The following ITGA8 variants were observed in gnomAD, a reference collection of about 807,000 sequenced individuals.
ITGA8 encodes the protein integrin alpha-8.
A neutral mutation model predicts 142.3 loss-of-function variants in ITGA8; 91 were observed. The observed-to-expected ratio is 0.64, with a 90% CI of 0.54 to 0.76. The LOEUF is 0.76. Ranked by LOEUF, ITGA8 falls within the 30% of genes least tolerant of loss-of-function variation. ITGA8 has a pLI of 0.00. For synonymous variants in ITGA8, 505 were observed against 485.2 expected, an observed-to-expected ratio of 1.04 and a Z score of -0.54; for missense variants, 1,406 against 1,327.7, an observed-to-expected ratio of 1.06 and a Z score of -0.92.
At chr10:15,530,970 G>T in intron 28 of ITGA8, 80 bp downstream of exon 28, 1 of 867,146 alleles carries the variant, frequency 1.2e-6, no homozygotes, top group Non-Finnish European at 1.8e-6. Context: ...AAACACTAAA[G>T]CCTAGCACAA....
intron 27 of ITGA8, among the ~76,000 whole-genome samples, chr10:15,542,708 C>T (rs936959794): frequency 2.0e-5 from 3 of 152,040 alleles, no homozygotes; most frequent in Non-Finnish European, 4.4e-5. Flanking sequence ...CAAGATTCTC[C>T]CCCTTACTAT....
intron 2 of ITGA8, among the ~76,000 whole-genome samples, chr10:15,699,584 C>T (rs1481717668): frequency 6.6e-6 from 1 of 152,124 alleles, no homozygotes. Context: ...TACATATGAA[C>T]ATTTGTGGGT....
At chr10:15,642,680 C>T (rs1426906839) in intron 13 of ITGA8, among the ~76,000 whole-genome samples, 2 of 152,114 alleles carry the variant, frequency 1.3e-5, no homozygotes, top group African/African-American at 2.4e-5. Flanking sequence ...AGGTAGGAAG[C>T]ATTAGTATAC....
At chr10:15,719,205 C>G (rs1033388603) in intron 1 of ITGA8, among the ~76,000 whole-genome samples, 37 of 152,310 alleles carry the variant, frequency 2.4e-4, no homozygotes, top group African/African-American at 8.7e-4. Flanking sequence ...ACAGCTCTTG[C>G]GCCCAGACGC....
chr10:15,602,111 T>C (rs1833114118), intron 20 of ITGA8, among the ~76,000 whole-genome samples: 1 of 152,204 alleles, frequency 6.6e-6, no homozygotes, highest in African/African-American at 2.4e-5. Context: ...AAAAGAACAT[T>C]TTAGAATAGG....
At chr10:15,559,696 A>G (rs1480624559) in intron 25 of ITGA8, among the ~76,000 whole-genome samples, 1 of 152,070 alleles carries the variant, frequency 6.6e-6, no homozygotes, top group Non-Finnish European at 1.5e-5. Context: ...ACTGGAAGCC[A>G]TTATCCTCAG....
At chr10:15,629,664 T>C (rs1030681869) in intron 13 of ITGA8, among the ~76,000 whole-genome samples, 7 of 152,088 alleles carry the variant, frequency 4.6e-5, no homozygotes, top group Non-Finnish European at 1.0e-4. Context: ...TGGTGGCTCA[T>C]GCCTGGAATC....
chr10:15,663,494 C>T (rs1834327993), intron 8 of ITGA8, among the ~76,000 whole-genome samples: 1 of 152,122 alleles, frequency 6.6e-6, no homozygotes, highest in Admixed American at 6.6e-5. Context: ...CCATCTTTCC[C>T]TACAATATAC....
intron 25 of ITGA8, among the ~76,000 whole-genome samples, chr10:15,561,209 C>CTATATATATA (rs529527480): frequency 2.7e-4 from 32 of 116,962 alleles, no homozygotes; most frequent in South Asian, 5.6e-4. Context: ...TATCTGTTGG[C>CTATATATATA]TATATATATA....
intron 25 of ITGA8, among the ~76,000 whole-genome samples, chr10:15,559,678 T>G (rs1434520585): frequency 6.6e-6 from 1 of 152,078 alleles, no homozygotes; most frequent in Admixed American, 6.5e-5. Flanking sequence ...TGTAGGGACG[T>G]GGATGGAACT....
chr10:15,633,146 C>T (rs763930666), intron 13 of ITGA8, among the ~76,000 whole-genome samples: 20 of 152,144 alleles, frequency 1.3e-4, no homozygotes, highest in African/African-American at 4.3e-4. Context: ...ACATGCTATT[C>T]AAGGCTCTTT....
intron 18 of ITGA8, 44 bp downstream of exon 18, chr10:15,606,241 G>A: frequency 6.4e-7 from 1 of 1,551,544 alleles, no homozygotes; most frequent in African/African-American, 1.4e-5. Context: ...ACACCCCAGA[G>A]AGCTTGCTTG....
intron 13 of ITGA8, among the ~76,000 whole-genome samples, chr10:15,637,466 A>G (rs1434886281): frequency 6.6e-6 from 1 of 151,936 alleles, no homozygotes; most frequent in African/African-American, 2.4e-5. Flanking sequence ...AACTCAGGTA[A>G]TCCGATTTTC....
chr10:15,520,210 G>A (rs181489244), intron 28 of ITGA8, among the ~76,000 whole-genome samples: 69 of 152,176 alleles, frequency 4.5e-4, no homozygotes, highest in Non-Finnish European at 7.8e-4. Flanking sequence ...TCAGGAGGTC[G>A]AGACCAGACT....
At position 15,586,635 on chromosome 10, in the gene ITGA8, A is replaced by T. The variant is rs147784534; in HGVS notation, c.2321T>A (p.Phe774Tyr). 324 of 1,613,204 alleles carry T rather than the reference A, an allele frequency of 2.0e-4. 1 individual carries two copies. Among genetic ancestry groups the T allele is most frequent in the African/African-American group, 1.5e-3 (113 of 75,010 alleles). Residue 774 changes from phenylalanine (F) to tyrosine (Y), a missense_variant, in exon 23 of 30, where the codon TTT becomes TAT. Coordinates refer to ENST00000378076, the MANE Select transcript of ITGA8 (RefSeq NM_003638.3). ...AGTGATGTTGATTTGCAGGCTCACAAAATTGCTGTCTGGATTGTCCTTGTT... is the reference window on the plus strand; with the variant it reads ...AGTGATGTTGATTTGCAGGCTCACATAATTGCTGTCTGGATTGTCCTTGTT... ...SSNKDNPDSN[F>Y]VSLQINITAV...
chr10:15,517,998 T>TC (rs1832994719), intron 29 of ITGA8, among the ~76,000 whole-genome samples: 1 of 152,180 alleles, frequency 6.6e-6, no homozygotes, highest in Non-Finnish European at 1.5e-5. Flanking sequence ...TGGCCACACA[T>TC]CCCTCGGTGC....
At chr10:15,581,151 A>G (rs947931567) in intron 23 of ITGA8, among the ~76,000 whole-genome samples, 26 of 152,336 alleles carry the variant, frequency 1.7e-4, no homozygotes, top group South Asian at 8.3e-4. Flanking sequence ...AAGACCAACA[A>G]TGTGATATAG....
At chr10:15,568,513 A>G (rs1195850790) in intron 25 of ITGA8, among the ~76,000 whole-genome samples, 1 of 152,166 alleles carries the variant, frequency 6.6e-6, no homozygotes, top group African/African-American at 2.4e-5. Context: ...AAAATACCTG[A>G]ACCTTGTTTG....
intron 13 of ITGA8, among the ~76,000 whole-genome samples, chr10:15,629,786 G>A (rs1833652386): frequency 6.6e-6 from 1 of 151,936 alleles, no homozygotes; most frequent in South Asian, 2.1e-4. Context: ...AATTAGTTGG[G>A]TGTGCTGGCA....
Sources: gnomAD v4.1 joint callset for allele counts (sites outside exome capture counted in the v4.1 genomes callset) on GRCh38, gnomAD v4.1.1 for gene constraint, MANE v1.5 for transcripts, NCBI Gene and HGNC (gene_info 2026-07-23, HGNC 2026-07-21) for gene names.